SAMD12: variants seen among roughly 807,000 people sequenced by gnomAD.
The protein encoded by SAMD12 is sterile alpha motif domain containing 12.
SAMD12 carries 9 observed loss-of-function variants against 15.0 expected under a neutral mutation model. The ratio of observed to expected loss-of-function variants is 0.60; its 90% CI spans 0.36 to 1.05. The LOEUF (loss-of-function observed/expected upper bound fraction) is 1.05, where lower values mean the gene tolerates loss of function less well. Among genes scored for constraint, SAMD12 ranks in the 50% least tolerant of loss-of-function variants. The pLI is 0.01. For synonymous variants in SAMD12, 86 were observed against 90.1 expected, an observed-to-expected ratio of 0.96 and a Z score of 0.25; for missense variants, 230 against 234.2, an observed-to-expected ratio of 0.98 and a Z score of 0.12.
chr8:118,341,723 A>G (rs2130549307), intron 4 of SAMD12, among the ~76,000 whole-genome samples: 1 of 152,290 alleles, frequency 6.6e-6, no homozygotes, highest in East Asian at 1.9e-4. Flanking sequence ...CACACCTCCA[A>G]ATGCCATCAG....
intron 4 of SAMD12, among the ~76,000 whole-genome samples, chr8:118,217,611 G>A (rs973442670): frequency 6.6e-6 from 1 of 152,208 alleles, no homozygotes; most frequent in Non-Finnish European, 1.5e-5. Flanking sequence ...CTATTGCATG[G>A]ACTAGTCCTG....
chr8:118,613,381 T>C (rs755538801), intron 1 of SAMD12, among the ~76,000 whole-genome samples: 4 of 152,220 alleles, frequency 2.6e-5, no homozygotes, highest in Non-Finnish European at 4.4e-5. Flanking sequence ...TAACCAAATT[T>C]AGGTTATAAT....
chr8:118,534,730 C>G (rs1206508085), intron 2 of SAMD12, among the ~76,000 whole-genome samples: 1 of 152,174 alleles, frequency 6.6e-6, no homozygotes, highest in Non-Finnish European at 1.5e-5. Flanking sequence ...TCCAGTTGAT[C>G]GAATCGGCTA....
intron 3 of SAMD12, among the ~76,000 whole-genome samples, chr8:118,405,984 A>G (rs1381974542): frequency 2.6e-5 from 4 of 152,160 alleles, no homozygotes; most frequent in African/African-American, 9.7e-5. Flanking sequence ...GGCCAGTCAT[A>G]AAAAATATTT....
chr8:118,252,146 T>C (rs1812833541), intron 4 of SAMD12, among the ~76,000 whole-genome samples: 1 of 152,208 alleles, frequency 6.6e-6, no homozygotes, highest in Non-Finnish European at 1.5e-5. Flanking sequence ...GTCTGTGTTC[T>C]GCAGTTTAGC....
At chr8:118,184,508 T>C (rs113783753), downstream of SAMD12, among the ~76,000 whole-genome samples, 4,855 of 149,622 alleles carry the variant, frequency 0.032, 104 homozygotes, top group South Asian at 0.081. Flanking sequence ...TCTTTCTTTT[T>C]TTTCTGAGAC....
chr8:118,535,333 C>T (rs540514229), intron 2 of SAMD12, among the ~76,000 whole-genome samples: 1 of 152,348 alleles, frequency 6.6e-6, no homozygotes, highest in Admixed American at 6.5e-5. Context: ...GGGCACCTGG[C>T]TGTATGAGGT....
intron 2 of SAMD12, among the ~76,000 whole-genome samples, chr8:118,462,926 C>G (rs531530960): frequency 6.6e-6 from 1 of 151,874 alleles, no homozygotes; most frequent in Non-Finnish European, 1.5e-5. Context: ...CACGGTGAAA[C>G]CCCGTCTCTA....
intron 2 of SAMD12, among the ~76,000 whole-genome samples, chr8:118,545,031 G>C (rs1286408147): frequency 6.6e-6 from 1 of 152,130 alleles, no homozygotes; most frequent in African/African-American, 2.4e-5. Context: ...AACCCTCTAG[G>C]GCAACTGATA....
intron 4 of SAMD12, among the ~76,000 whole-genome samples, chr8:118,288,681 G>C (rs982960632): frequency 1.3e-5 from 2 of 152,184 alleles, no homozygotes; most frequent in African/African-American, 4.8e-5. Context: ...CTTTGAAGAT[G>C]AGAGTCCATT....
intron 4 of SAMD12, among the ~76,000 whole-genome samples, chr8:118,342,068 T>C (rs986344296): frequency 6.6e-6 from 1 of 152,150 alleles, no homozygotes; most frequent in Non-Finnish European, 1.5e-5. Flanking sequence ...GGTGGGCAGA[T>C]CACCTGAGGT....
chr8:118,443,355 G>A (rs1822812146), intron 2 of SAMD12, among the ~76,000 whole-genome samples: 2 of 152,044 alleles, frequency 1.3e-5, no homozygotes, highest in Non-Finnish European at 2.9e-5. Context: ...TCCCAGCTAC[G>A]CGGGAGACAG....
At chr8:118,255,443 T>C (rs1272132653) in intron 4 of SAMD12, among the ~76,000 whole-genome samples, 1 of 151,706 alleles carries the variant, frequency 6.6e-6, no homozygotes, top group East Asian at 2.0e-4. Flanking sequence ...CACGCTGGTG[T>C]GCTGCACCCA....
intron 3 of SAMD12, among the ~76,000 whole-genome samples, chr8:118,389,998 C>T (rs1262520684): frequency 6.6e-6 from 1 of 151,814 alleles, no homozygotes; most frequent in Non-Finnish European, 1.5e-5. Context: ...TTACAAGTTG[C>T]TACTTTCAAA....
At chr8:118,219,256 A>T (rs1418649770) in intron 4 of SAMD12, among the ~76,000 whole-genome samples, 1 of 152,214 alleles carries the variant, frequency 6.6e-6, no homozygotes, top group Non-Finnish European at 1.5e-5. Context: ...TTCTGTTCAC[A>T]TCTAGACGCA....
intron 2 of SAMD12, among the ~76,000 whole-genome samples, chr8:118,531,396 G>A (rs1298748184): frequency 1.3e-5 from 2 of 152,038 alleles, no homozygotes; most frequent in Non-Finnish European, 2.9e-5. Context: ...TGCTTAGAAT[G>A]GTCTTGGCAG....
exon 5 of SAMD12, chr8:118,189,858 C>CCAA: frequency 6.7e-6 from 1 of 150,236 alleles, no homozygotes; most frequent in South Asian, 2.1e-4. Flanking sequence ...AAGTGGATAT[C>CCAA]CAACAGAAAA....
intron 2 of SAMD12, among the ~76,000 whole-genome samples, chr8:118,452,233 T>C (rs1823107417): frequency 6.6e-6 from 1 of 152,142 alleles, no homozygotes. Context: ...GCACCCAGTA[T>C]GTGGTACCTC....
At chr8:118,545,854 G>A (rs1203146102) in intron 2 of SAMD12, among the ~76,000 whole-genome samples, 2 of 152,178 alleles carry the variant, frequency 1.3e-5, no homozygotes, top group South Asian at 2.1e-4. Context: ...GTGGTTACAT[G>A]CCTGGCAGGT....
Sources: allele counts gnomAD v4.1 joint callset (sites outside exome capture counted in the v4.1 genomes callset), GRCh38; gene constraint gnomAD v4.1.1; transcripts MANE v1.5; gene names NCBI Gene and HGNC (gene_info 2026-07-23, HGNC 2026-07-21).